The following ZNF423 variants were observed in gnomAD, a reference collection of about 807,000 sequenced individuals.
ZNF423 encodes the protein zinc finger protein 423.
In ZNF423, 12 loss-of-function variants were observed where a neutral mutation model predicts 95.8. That is an observed-to-expected ratio of 0.13 (90% CI 0.08 to 0.20). The LOEUF is 0.20. ZNF423 is among the 10% of genes least tolerant of loss of function. ZNF423 has a pLI of 1.00. For synonymous variants in ZNF423, 749 were observed against 711.9 expected (o/e 1.05, Z -0.83); for missense variants, 1,316 against 1,737.1 (o/e 0.76, Z 4.31).
At chr16:49,495,975 T>C (rs766504600) in intron 7 of ZNF423, among the ~76,000 whole-genome samples, 2 of 152,204 alleles carry the variant, frequency 1.3e-5, no homozygotes, top group Admixed American at 6.5e-5. Context: ...GCCAGCAGCA[T>C]AAAGCAAAAG....
chr16:49,798,603 A>C (rs2034534711), intron 1 of ZNF423, among the ~76,000 whole-genome samples: 1 of 151,950 alleles, frequency 6.6e-6, no homozygotes, highest in Non-Finnish European at 1.5e-5. Flanking sequence ...AAAAATAAAT[A>C]CATACAATTT....
chr16:49,588,283 G>A (rs1161228647), intron 5 of ZNF423, among the ~76,000 whole-genome samples: 1 of 152,206 alleles, frequency 6.6e-6, no homozygotes, highest in Non-Finnish European at 1.5e-5. Flanking sequence ...CCATGTGTTT[G>A]TACTCAGTGC....
chr16:49,853,617 C>T (rs979913144), intron 1 of ZNF423: 9 of 985,132 alleles, frequency 9.1e-6, no homozygotes, highest in Non-Finnish European at 1.1e-5. Context: ...CTTTCTCCTA[C>T]CAACCTGCTT....
intron 7 of ZNF423, among the ~76,000 whole-genome samples, chr16:49,498,685 C>A (rs568329987): frequency 6.6e-6 from 1 of 152,332 alleles, no homozygotes; most frequent in East Asian, 1.9e-4. Flanking sequence ...TTCCCCTTTC[C>A]TCCCACACTT....
chr16:49,655,303 A>T (rs918276364), intron 3 of ZNF423, among the ~76,000 whole-genome samples: 1 of 152,126 alleles, frequency 6.6e-6, no homozygotes, highest in African/African-American at 2.4e-5. Flanking sequence ...TATCTGAAAC[A>T]CTAGCTCATG....
intron 4 of ZNF423, among the ~76,000 whole-genome samples, chr16:49,629,506 C>G (rs1451184927): frequency 6.6e-6 from 1 of 152,224 alleles, no homozygotes; most frequent in East Asian, 1.9e-4. Flanking sequence ...CCCCCTCCAT[C>G]CTTGACTCAA....
At chr16:49,639,529 C>A (rs1223099828) in intron 3 of ZNF423, among the ~76,000 whole-genome samples, 1 of 152,150 alleles carries the variant, frequency 6.6e-6, no homozygotes, top group African/African-American at 2.4e-5. Context: ...GGGAAGGGAA[C>A]CTAGGGCACT....
At chr16:49,834,276 G>T (rs778622037) in intron 1 of ZNF423, among the ~76,000 whole-genome samples, 1 of 152,078 alleles carries the variant, frequency 6.6e-6, no homozygotes, top group Non-Finnish European at 1.5e-5. Context: ...AATACAGATT[G>T]AGACAGCATG....
chr16:49,590,054 G>T (rs2151815147), intron 5 of ZNF423, among the ~76,000 whole-genome samples: 3 of 90,202 alleles, frequency 3.3e-5, no homozygotes, highest in African/African-American at 8.1e-5. Flanking sequence ...ATATATATTT[G>T]GTCCATACAG....
chr16:49,793,734 G>A (rs1012861648), intron 1 of ZNF423, among the ~76,000 whole-genome samples: 3 of 152,120 alleles, frequency 2.0e-5, no homozygotes, highest in Non-Finnish European at 4.4e-5. Context: ...ACAGAGCAGA[G>A]GCATAGGGGC....
chr16:49,812,431 C>T (rs4523924), intron 1 of ZNF423, among the ~76,000 whole-genome samples: 111,016 of 152,116 alleles, frequency 0.73, 40,820 homozygotes, highest in African/African-American at 0.8. Context: ...TGGTGGCTCA[C>T]GCCTGTAATC....
rs1203665276 is a variant in ZNF423, at chr16:49,637,707, C to T, written c.1469G>A (p.Cys490Tyr). The T allele has an allele frequency of 1.2e-6, 2 of 1,614,018 alleles. No homozygotes were observed. Among genetic ancestry groups the T allele is most frequent in the African/African-American group, 2.7e-5 (2 of 74,914 alleles). ...MQFGNISAFH[C>Y]NYCPEMFADI... ...GGCGAACATCTCGGGGCAGTAGTTG[C>T]AGTGGAAGGCAGAGATGTTGCCAAA... is the stretch of plus-strand genomic sequence containing the variant. Residue 490 changes from cysteine to tyrosine, a missense_variant, in exon 4 of 8, where the codon TGC (cysteine) becomes TAC (tyrosine). Physicochemically the swap from Cys to Tyr is radical, Grantham distance 194. This residue lies in a region of ZNF423 where 399 missense variants were observed against 478.5 expected (regional missense o/e 0.83). Transcript: ENST00000563137. The surrounding 1 kb of genome is among the most constrained non-coding windows in gnomAD (Gnocchi z 5.6).
chr16:49,740,481 G>T (rs1035117778), intron 2 of ZNF423, among the ~76,000 whole-genome samples: 1 of 152,182 alleles, frequency 6.6e-6, no homozygotes, highest in African/African-American at 2.4e-5. Flanking sequence ...TTATCTTCAG[G>T]TTTAAAATAT....
At chr16:49,570,110 A>C (rs1009831330) in intron 5 of ZNF423, among the ~76,000 whole-genome samples, 2 of 152,218 alleles carry the variant, frequency 1.3e-5, no homozygotes, top group South Asian at 4.1e-4. Flanking sequence ...TGCTCCCAGA[A>C]ACTCACAAAT....
intron 5 of ZNF423, among the ~76,000 whole-genome samples, chr16:49,583,844 C>G (rs763180552): frequency 2.6e-5 from 4 of 152,164 alleles, no homozygotes; most frequent in Non-Finnish European, 5.9e-5. Flanking sequence ...GTTGGGAATC[C>G]AAATGTTTTC....
chr16:49,599,764 G>A (rs1198282534), intron 5 of ZNF423, among the ~76,000 whole-genome samples: 2 of 152,332 alleles, frequency 1.3e-5, no homozygotes, highest in South Asian at 2.1e-4. Context: ...AGGACCACAG[G>A]ATGCATGGGG....
intron 1 of ZNF423, among the ~76,000 whole-genome samples, chr16:49,848,088 A>G (rs1260428903): frequency 2.6e-5 from 4 of 152,118 alleles, no homozygotes; most frequent in Non-Finnish European, 5.9e-5. Context: ...TGGGGGACAG[A>G]GCAAGATCCT....
At chr16:49,684,301 T>C (rs1371933816) in intron 3 of ZNF423, among the ~76,000 whole-genome samples, 1 of 152,174 alleles carries the variant, frequency 6.6e-6, no homozygotes, top group Non-Finnish European at 1.5e-5. Context: ...ACTAACTGTG[T>C]TGTCTGAGAT....
chr16:49,813,440 C>A (rs2034785973), intron 1 of ZNF423, among the ~76,000 whole-genome samples: 1 of 152,174 alleles, frequency 6.6e-6, no homozygotes, highest in Non-Finnish European at 1.5e-5. Context: ...CCCTGAGGAA[C>A]CGCCCCTAAC....
Sources: gnomAD v4.1 joint callset for allele counts (sites outside exome capture counted in the v4.1 genomes callset) on GRCh38, gnomAD v4.1.1 for gene constraint, gnomAD v4.1.1 regional missense constraint, Gnocchi (gnomAD v3.1) non-coding constraint, MANE v1.5 for transcripts, NCBI Gene and HGNC (gene_info 2026-07-23, HGNC 2026-07-21) for gene names.